The following CCSER1 variants were observed in gnomAD, a reference collection of about 807,000 sequenced individuals.
The protein encoded by CCSER1 is coiled-coil serine rich protein 1, also known as serine-rich coiled-coil domain-containing protein 1.
Under a neutral mutation model 82.0 loss-of-function variants are expected in CCSER1, and 41 were observed. That is an observed-to-expected ratio of 0.50 (90% CI 0.39 to 0.65). CCSER1 has a LOEUF of 0.65. Among genes scored for constraint, CCSER1 ranks in the 30% least tolerant of loss-of-function variants. The pLI is 0.00. For synonymous variants in CCSER1, 414 were observed against 383.9 expected (o/e 1.08, Z -0.92); for missense variants, 1,119 against 1,064.2 (o/e 1.05, Z -0.72).
chr4:90,600,504 A>G (rs2148748235), intron 5 of CCSER1, among the ~76,000 whole-genome samples: 1 of 151,890 alleles, frequency 6.6e-6, no homozygotes, highest in Middle Eastern at 3.4e-3. Flanking sequence ...TCTTTTTCCT[A>G]TTTGAAAAAT....
chr4:90,436,451 C>G (rs28539498), intron 4 of CCSER1, among the ~76,000 whole-genome samples: 290 of 152,264 alleles, frequency 1.9e-3, no homozygotes, highest in African/African-American at 6.9e-3. Flanking sequence ...ATGCAAGGTG[C>G]AAGGCACATT....
At chr4:90,961,325 A>C (rs1734033315) in intron 9 of CCSER1, among the ~76,000 whole-genome samples, 1 of 152,142 alleles carries the variant, frequency 6.6e-6, no homozygotes, top group Non-Finnish European at 1.5e-5. Flanking sequence ...CATAGGTAAA[A>C]TCCTTAAATA....
intron 5 of CCSER1, among the ~76,000 whole-genome samples, chr4:90,495,007 G>A (rs1768754052): frequency 6.6e-6 from 1 of 152,054 alleles, no homozygotes; most frequent in Non-Finnish European, 1.5e-5. Flanking sequence ...ATTCATTTCA[G>A]ATGCTCTTAT....
intron 10 of CCSER1, among the ~76,000 whole-genome samples, chr4:91,171,411 G>C (rs1732742454): frequency 6.6e-6 from 1 of 152,176 alleles, no homozygotes; most frequent in Non-Finnish European, 1.5e-5. Context: ...GAGTAGTCTA[G>C]CTTCCTAAAT....
intron 4 of CCSER1, among the ~76,000 whole-genome samples, chr4:90,408,566 G>A (rs547082943): frequency 3.6e-4 from 55 of 152,328 alleles, no homozygotes; most frequent in African/African-American, 1.3e-3. Context: ...ATCTGCAGCT[G>A]AGTGTCCTGA....
At chr4:91,297,161 T>C (rs555458105) in intron 10 of CCSER1, among the ~76,000 whole-genome samples, 2 of 151,984 alleles carry the variant, frequency 1.3e-5, no homozygotes, top group African/African-American at 4.8e-5. Context: ...AAAGAGTGTA[T>C]ATCCTCTGAG....
chr4:90,332,269 T>A (rs1739439475), intron 3 of CCSER1, among the ~76,000 whole-genome samples: 1 of 151,326 alleles, frequency 6.6e-6, no homozygotes, highest in African/African-American at 2.4e-5. Flanking sequence ...TTTTTTTTGC[T>A]CTTATTGCCC....
intron 10 of CCSER1, among the ~76,000 whole-genome samples, chr4:91,298,945 G>A (rs1421104760): frequency 2.0e-5 from 3 of 151,968 alleles, no homozygotes; most frequent in East Asian, 2.0e-4. Flanking sequence ...ACGAGCAGCA[G>A]CACCAGCAGC....
chr4:91,432,040 T>TC (rs141320610), intron 10 of CCSER1, among the ~76,000 whole-genome samples: 21,609 of 152,012 alleles, frequency 0.14, 1,972 homozygotes, highest in African/African-American at 0.26. Flanking sequence ...CCAGGGCAGT[T>TC]CCCCTATGCT....
At chr4:90,611,514 T>G (rs947944976) in intron 5 of CCSER1, among the ~76,000 whole-genome samples, 1 of 151,922 alleles carries the variant, frequency 6.6e-6, no homozygotes, top group African/African-American at 2.4e-5. Flanking sequence ...GATATCCATT[T>G]GCTAATGTCT....
chr4:90,921,040 C>A (rs1728308074), intron 8 of CCSER1, among the ~76,000 whole-genome samples: 1 of 151,462 alleles, frequency 6.6e-6, no homozygotes, highest in Non-Finnish European at 1.5e-5. Flanking sequence ...TATAAGAAAT[C>A]AAAATTATCT....
chr4:91,497,232 A>C (rs1236085616), intron 10 of CCSER1, among the ~76,000 whole-genome samples: 2 of 151,622 alleles, frequency 1.3e-5, no homozygotes, highest in Non-Finnish European at 3.0e-5. Flanking sequence ...TTACCTCATG[A>C]AGCGGTTTTG....
intron 1 of CCSER1, among the ~76,000 whole-genome samples, chr4:90,135,357 A>G (rs1723486590): frequency 6.6e-6 from 1 of 151,954 alleles, no homozygotes; most frequent in Admixed American, 6.6e-5. Flanking sequence ...AAAAAACAAC[A>G]ACTGGGATCC....
At chr4:91,484,879 G>A (rs1758134727) in intron 10 of CCSER1, among the ~76,000 whole-genome samples, 2 of 152,140 alleles carry the variant, frequency 1.3e-5, no homozygotes, top group African/African-American at 4.8e-5. Context: ...CTAATCAAAA[G>A]TCTAAATCGA....
intron 6 of CCSER1, among the ~76,000 whole-genome samples, chr4:90,631,218 C>G (rs896988541): frequency 1.3e-5 from 2 of 152,012 alleles, no homozygotes; most frequent in Non-Finnish European, 2.9e-5. Context: ...TTTTTAATGG[C>G]AGGAGGTACC....
intron 4 of CCSER1, among the ~76,000 whole-genome samples, chr4:90,466,923 T>C (rs987606836): frequency 6.6e-6 from 1 of 152,158 alleles, no homozygotes; most frequent in African/African-American, 2.4e-5. Context: ...TCATAGACAA[T>C]TGAAATAGCC....
At chr4:91,260,081 A>G (rs954984298) in intron 10 of CCSER1, among the ~76,000 whole-genome samples, 4 of 152,204 alleles carry the variant, frequency 2.6e-5, no homozygotes, top group Non-Finnish European at 5.9e-5. Flanking sequence ...AATTAATTCA[A>G]TTCACAGCAG....
At chr4:91,530,817 A>G (rs1339496573) in intron 10 of CCSER1, among the ~76,000 whole-genome samples, 1 of 151,650 alleles carries the variant, frequency 6.6e-6, no homozygotes, top group Non-Finnish European at 1.5e-5. Context: ...TCTCCTGAGT[A>G]GCTGGGATTA....
intron 10 of CCSER1, among the ~76,000 whole-genome samples, chr4:91,496,614 A>ATT (rs1358637665): frequency 0.019 from 349 of 17,944 alleles, 79 homozygotes; most frequent in East Asian, 0.17. Flanking sequence ...ATATATATAT[A>ATT]CACGAATATA....
Sources: allele counts gnomAD v4.1 joint callset (sites outside exome capture counted in the v4.1 genomes callset), GRCh38; gene constraint gnomAD v4.1.1; transcripts MANE v1.5; gene names NCBI Gene and HGNC (gene_info 2026-07-23, HGNC 2026-07-21).